MYO3B: variants seen among roughly 807,000 people sequenced by gnomAD.
MYO3B encodes the protein myosin IIIB.
In MYO3B, 156 loss-of-function variants were observed where a neutral mutation model predicts 174.6. The observed-to-expected ratio is 0.89, with a 90% CI of 0.78 to 1.02. MYO3B has a LOEUF of 1.02. Ranked by LOEUF, MYO3B falls within the 50% of genes least tolerant of loss-of-function variation. The pLI, the probability that MYO3B is intolerant of heterozygous loss-of-function variation, is 0.00. For missense variants in MYO3B, 1,632 were observed against 1,639.4 expected, an observed-to-expected ratio of 1.00 and a Z score of 0.08; for synonymous variants, 563 against 569.1, an observed-to-expected ratio of 0.99 and a Z score of 0.15.
At chr2:170,474,167 C>T (rs1685163157) in intron 25 of MYO3B, among the ~76,000 whole-genome samples, 1 of 152,110 alleles carries the variant, frequency 6.6e-6, no homozygotes, top group Non-Finnish European at 1.5e-5. Flanking sequence ...GGTTAGCTCT[C>T]CTTACATGTT....
At chr2:170,237,860 G>C (rs180758759) in intron 7 of MYO3B, among the ~76,000 whole-genome samples, 1 of 152,280 alleles carries the variant, frequency 6.6e-6, no homozygotes, top group African/African-American at 2.4e-5. Context: ...TGCAAATGAT[G>C]AATCAGATTG....
chr2:170,580,371 C>G (rs1223631539), intron 32 of MYO3B, among the ~76,000 whole-genome samples: 1 of 152,218 alleles, frequency 6.6e-6, no homozygotes, highest in Admixed American at 6.5e-5. Context: ...GGCACAGTGG[C>G]TCATGCCTGT....
intron 32 of MYO3B, among the ~76,000 whole-genome samples, chr2:170,557,193 G>A (rs1052760626): frequency 6.8e-6 from 1 of 147,070 alleles, no homozygotes; most frequent in Admixed American, 6.9e-5. Context: ...AGGCTGGAGT[G>A]CAGTGGCACG....
intron 22 of MYO3B, among the ~76,000 whole-genome samples, chr2:170,426,115 T>G (rs1245122903): frequency 6.6e-6 from 1 of 151,658 alleles, no homozygotes; most frequent in Non-Finnish European, 1.5e-5. Context: ...TAGATAACAT[T>G]TGTTTATTCT....
Position 170,390,883 on chromosome 2 carries a change from G to A in MYO3B, c.1578-637G>A, listed in dbSNP as rs189749090. On this transcript the variant is annotated intron_variant, in intron 14 of 34. Coordinates refer to ENST00000408978, the MANE Select transcript of MYO3B (RefSeq NM_138995.5). ...ATGGCAATGTCACTTGCTATAAAAC[G>A]TCTAGGCATGTACTTACCAGTTCCT... Among the ~76,000 whole-genome samples the A allele has an allele frequency of 5.3e-5, 8 of 152,196 alleles. No homozygotes were observed. In the East Asian group the frequency reaches 1.2e-3, roughly 22 times the overall value.
chr2:170,579,776 C>G (rs1250868384), intron 32 of MYO3B, among the ~76,000 whole-genome samples: 1 of 152,236 alleles, frequency 6.6e-6, no homozygotes, highest in Non-Finnish European at 1.5e-5. Context: ...TCCAGAGCCT[C>G]CCAGCTCCCA....
intron 25 of MYO3B, among the ~76,000 whole-genome samples, chr2:170,497,799 G>A (rs1196135001): frequency 1.3e-5 from 2 of 151,690 alleles, no homozygotes; most frequent in South Asian, 4.2e-4. Context: ...ATTTTTCCTG[G>A]CTGGGCAAGG....
intron 28 of MYO3B, among the ~76,000 whole-genome samples, chr2:170,507,848 G>A (rs748926909): frequency 5.9e-5 from 9 of 152,186 alleles, no homozygotes; most frequent in Non-Finnish European, 1.3e-4. Flanking sequence ...CTGTGGTTTC[G>A]AGGTTTCTGA....
Position 170,310,665 on chromosome 2 carries a change from C to CAAAA in MYO3B, c.750-24701_750-24698dup, listed in dbSNP as rs746315736. ...GGGCGACAAGAGCAAGACTCCATCT[C>CAAAA]AAAAAAAAAAAAAAAAAAAAAAGAA... On this transcript the variant is annotated intron_variant, in intron 7 of 34. Transcript: ENST00000408978. 7.1e-3 allele frequency among the ~76,000 whole-genome samples: 435 copies of CAAAA among 61,456 alleles called. 66 individuals carry two copies. Among genetic ancestry groups the CAAAA allele is most frequent in the Middle Eastern group, 0.037 (2 of 54 alleles). 40.3% of individuals were successfully genotyped at this position (61,456 alleles called of 152,430 possible). A position where few individuals can be genotyped will look rare whatever the true frequency, so the allele number is the denominator to read the frequency against.
rs201406586 is a variant in MYO3B at position 170,214,447 on chromosome 2, A to G, written c.390A>G (p.Glu130=). Residue 130 remains glutamate, a synonymous_variant, in exon 4 of 35, where the codon GAA becomes GAG. Coordinates refer to ENST00000408978, the MANE Select transcript of MYO3B (RefSeq NM_138995.5). ...GLLRCGQRLD[E]AMISYILYGA... Reference sequence around the variant, plus strand: ...TCAGATGTGGCCAGCGGTTGGATGAAGCAATGATCTCATACATCTTGTACG... The same window carrying G: ...TCAGATGTGGCCAGCGGTTGGATGAGGCAATGATCTCATACATCTTGTACG... 1.2e-6 allele frequency: 2 copies of G among 1,614,156 alleles called. No homozygotes were observed. The highest frequency in any genetic ancestry group is 1.3e-5 in the African/African-American group (1 of 75,036).
intron 16 of MYO3B, among the ~76,000 whole-genome samples, chr2:170,397,286 T>A (rs984567641): frequency 6.6e-6 from 1 of 152,170 alleles, no homozygotes; most frequent in Non-Finnish European, 1.5e-5. Flanking sequence ...CTGTGTTCCT[T>A]TTTTTGGCTT....
intron 7 of MYO3B, among the ~76,000 whole-genome samples, chr2:170,291,402 T>C (rs2098245952): frequency 6.6e-6 from 1 of 152,224 alleles, no homozygotes. Flanking sequence ...GTAACTATTA[T>C]TGTTTTTGAT....
At position 170,476,171 on chromosome 2, in the gene MYO3B, G is replaced by T. The variant is rs76622482; in HGVS notation, c.3014+9460G>T. Among the ~76,000 whole-genome samples, 12 of 152,304 alleles carry T rather than the reference G, an allele frequency of 7.9e-5. No individual in the cohort carries two copies. In the East Asian group the frequency reaches 2.3e-3, roughly 29 times the overall value. On this transcript the variant is annotated intron_variant, in intron 25 of 34. Transcript: ENST00000408978. ...GGAAGGGGAGCACGTGGATGGACAC[G>T]TGCAGGAGCTGGGACAAGCGCTGTG...
chr2:170,436,772 A>G (rs1200936611), intron 22 of MYO3B, among the ~76,000 whole-genome samples: 1 of 152,184 alleles, frequency 6.6e-6, no homozygotes, highest in Non-Finnish European at 1.5e-5. Flanking sequence ...CAGGCCATTC[A>G]GACTCTTCAA....
chr2:170,456,872 T>C (rs1683937201), intron 23 of MYO3B, among the ~76,000 whole-genome samples: 1 of 152,234 alleles, frequency 6.6e-6, no homozygotes, highest in African/African-American at 2.4e-5. Context: ...TGGGTGATTT[T>C]TGTCGTCGTT....
chr2:170,200,750 G>A (rs547973987), intron 3 of MYO3B, among the ~76,000 whole-genome samples: 14 of 152,228 alleles, frequency 9.2e-5, no homozygotes, highest in South Asian at 2.1e-4. Flanking sequence ...AGTTCTTAGC[G>A]GAGGTAGACC....
intron 1 of MYO3B, 135 bp downstream of exon 1, chr2:170,178,424 T>C: frequency 8.9e-7 from 1 of 1,119,484 alleles, no homozygotes. Context: ...TGGGCCTCTG[T>C]CTGACATCAC....
intron 32 of MYO3B, among the ~76,000 whole-genome samples, chr2:170,624,762 G>A (rs1326688303): frequency 6.6e-6 from 1 of 152,148 alleles, no homozygotes. Context: ...TTTATTGAGA[G>A]TTTTTAGCAT....
intron 1 of MYO3B, among the ~76,000 whole-genome samples, chr2:170,195,981 C>T (rs1032822089): frequency 5.9e-5 from 9 of 152,166 alleles, no homozygotes; most frequent in Admixed American, 1.3e-4. Context: ...GTAATTTTAA[C>T]AGAAATATTT....
Sources: allele counts gnomAD v4.1 joint callset (sites outside exome capture counted in the v4.1 genomes callset), GRCh38; gene constraint gnomAD v4.1.1; transcripts MANE v1.5; gene names NCBI Gene and HGNC (gene_info 2026-07-23, HGNC 2026-07-21).